Variants in WASF2 observed in about 807,000 individuals in gnomAD.
WASF2 encodes actin-binding protein WASF2.
WASF2 carries 14 observed loss-of-function variants against 45.0 expected under a neutral mutation model. The ratio of observed to expected loss-of-function variants is 0.31; its 90% CI spans 0.21 to 0.49. The LOEUF is 0.49. Among genes scored for constraint, WASF2 ranks in the 20% least tolerant of loss-of-function variants. The pLI is 0.99. For missense variants in WASF2, 439 were observed against 636.1 expected (o/e 0.69, Z 3.33); for synonymous variants, 200 against 236.3 (o/e 0.85, Z 1.41).
chr1:27,477,459 G>C (rs1323801374), intron 1 of WASF2, among the ~76,000 whole-genome samples: 1 of 152,182 alleles, frequency 6.6e-6, no homozygotes, highest in Non-Finnish European at 1.5e-5. Context: ...AGAATCACTT[G>C]AACCAGGCAG....
intron 1 of WASF2, among the ~76,000 whole-genome samples, chr1:27,473,842 C>T (rs556588391): frequency 4.6e-5 from 7 of 152,278 alleles, no homozygotes; most frequent in South Asian, 2.1e-4. Flanking sequence ...CATGGGTGGC[C>T]GGAGCCTGTC....
chr1:27,478,937 C>T (rs1475757482), intron 1 of WASF2, among the ~76,000 whole-genome samples: 2 of 151,804 alleles, frequency 1.3e-5, no homozygotes, highest in Non-Finnish European at 2.9e-5. Flanking sequence ...TTACATTTGT[C>T]AAAACTCGTC....
intron 1 of WASF2, 68 bp from the exon 2 acceptor site, chr1:27,429,001 CTTTT>C (rs201541202): frequency 4.3e-3 from 3,090 of 713,620 alleles, no homozygotes; most frequent in Middle Eastern, 5.9e-3. Flanking sequence ...CTGTGTGAAT[CTTTT>C]TTTTTTTTTT....
intron 1 of WASF2, 56 bp downstream of exon 1, chr1:27,489,922 AAGAGCGGC>A (rs1471569545): frequency 1.3e-5 from 2 of 151,596 alleles, no homozygotes; most frequent in African/African-American, 4.9e-5. Context: ...ACGGCTCGGG[AAGAGCGGC>A]CCGGCCGGGG....
intron 1 of WASF2, among the ~76,000 whole-genome samples, chr1:27,469,461 C>G (rs2017660836): frequency 1.3e-5 from 2 of 152,156 alleles, no homozygotes; most frequent in African/African-American, 2.4e-5. Flanking sequence ...ATCATTCGAT[C>G]TAGTGTACCG....
chr1:27,453,383 G>T lies in WASF2; in HGVS notation c.-43-24450C>A, dbSNP rs949564995. On this transcript the variant is annotated intron_variant, in intron 1 of 8. Transcript: ENST00000618852. ...GAGGTGGGTGGATCACTTGAGGTCAGCAGTTTGAGACCAGCCTGGGCAAAA... is the reference window on the plus strand; with the variant it reads ...GAGGTGGGTGGATCACTTGAGGTCATCAGTTTGAGACCAGCCTGGGCAAAA... 7.3e-5 allele frequency among the ~76,000 whole-genome samples: 11 copies of T among 150,624 alleles called. No individual in the cohort carries two copies. The East Asian group carries it at 2.0e-3, about 27-fold the overall frequency.
At chr1:27,477,400 C>T (rs12752135) in intron 1 of WASF2, among the ~76,000 whole-genome samples, 136 of 152,076 alleles carry the variant, frequency 8.9e-4, no homozygotes, top group Non-Finnish European at 9.1e-4. Flanking sequence ...ATTAGCTGGG[C>T]GTGTTGACAC....
chr1:27,413,450 C>T (rs536349316), intron 6 of WASF2, among the ~76,000 whole-genome samples: 4 of 152,276 alleles, frequency 2.6e-5, no homozygotes, highest in East Asian at 3.9e-4. Context: ...TCCACCTCCC[C>T]CTCTTTCCAC....
chr1:27,431,093 C>T (rs1355652435), intron 1 of WASF2, among the ~76,000 whole-genome samples: 1 of 152,194 alleles, frequency 6.6e-6, no homozygotes, highest in Admixed American at 6.5e-5. Flanking sequence ...CCAACAGCAA[C>T]AGCCCAAGAA....
At chr1:27,458,187 C>A (rs2148129446) in intron 1 of WASF2, among the ~76,000 whole-genome samples, 1 of 151,854 alleles carries the variant, frequency 6.6e-6, no homozygotes, top group East Asian at 1.9e-4. Flanking sequence ...GTGGCCTGCA[C>A]CTGTAGTCCC....
chr1:27,429,586 G>A (rs1028517888), intron 1 of WASF2, among the ~76,000 whole-genome samples: 1 of 152,078 alleles, frequency 6.6e-6, no homozygotes. Flanking sequence ...GAGCAGCCTG[G>A]CCAAGATGGT....
At chr1:27,475,708 A>G (rs1040771358) in intron 1 of WASF2, among the ~76,000 whole-genome samples, 1 of 152,004 alleles carries the variant, frequency 6.6e-6, no homozygotes, top group African/African-American at 2.4e-5. Context: ...GCTCATTGCA[A>G]CCTCTGCCTC....
chr1:27,474,003 G>C (rs545939261), intron 1 of WASF2, among the ~76,000 whole-genome samples: 1 of 152,294 alleles, frequency 6.6e-6, no homozygotes, highest in South Asian at 2.1e-4. Context: ...GGAAACCAGA[G>C]TACCTGGAGG....
chr1:27,453,314 G>A (rs967018596), intron 1 of WASF2, among the ~76,000 whole-genome samples: 21 of 147,022 alleles, frequency 1.4e-4, no homozygotes, highest in African/African-American at 2.8e-4. Flanking sequence ...GAATACTGCC[G>A]GGAGTGGTGG....
At chr1:27,454,147 GTGTGTGTATATATATATA>G (rs1178828627) in intron 1 of WASF2, among the ~76,000 whole-genome samples, 2 of 19,610 alleles carry the variant, frequency 1.0e-4, no homozygotes, top group African/African-American at 3.4e-4. Context: ...GTGTGTGTGT[GTGTGTGTATATATATATA>G]TATATATATA....
chr1:27,487,466 A>AT (rs61538816), intron 1 of WASF2, among the ~76,000 whole-genome samples: 1 of 119,942 alleles, frequency 8.3e-6, no homozygotes, highest in Admixed American at 1.2e-4. Flanking sequence ...TATTTATATA[A>AT]ATATATTTTA....
At chr1:27,426,323 G>T (rs928948838) in intron 2 of WASF2, among the ~76,000 whole-genome samples, 1 of 152,172 alleles carries the variant, frequency 6.6e-6, no homozygotes, top group Non-Finnish European at 1.5e-5. Flanking sequence ...GATTTAAGGG[G>T]GTTGGATCAG....
At chr1:27,477,708 G>A (rs940181870) in intron 1 of WASF2, among the ~76,000 whole-genome samples, 1 of 107,786 alleles carries the variant, frequency 9.3e-6, no homozygotes, top group Admixed American at 7.8e-5. Flanking sequence ...GACCATCCCG[G>A]CTAAAACGGT....
chr1:27,440,981 C>T (rs1350176809), intron 1 of WASF2, among the ~76,000 whole-genome samples: 1 of 152,118 alleles, frequency 6.6e-6, no homozygotes, highest in Non-Finnish European at 1.5e-5. Context: ...ATCCTCCCGC[C>T]TTAGCCTCCC....
Sources: gnomAD v4.1 joint callset for allele counts (sites outside exome capture counted in the v4.1 genomes callset) on GRCh38, gnomAD v4.1.1 for gene constraint, MANE v1.5 for transcripts, NCBI Gene and HGNC (gene_info 2026-07-23, HGNC 2026-07-21) for gene names.